Variants in THRAP3 observed in about 807,000 individuals in gnomAD.
THRAP3 encodes the protein thyroid hormone receptor associated protein 3, also known as thyroid hormone receptor-associated protein 3.
In THRAP3, 16 loss-of-function variants were observed where a neutral mutation model predicts 101.0. The observed-to-expected ratio is 0.16, with a 90% confidence interval of 0.11 to 0.24. The LOEUF is 0.24. Ranked by LOEUF, THRAP3 falls within the 10% of genes least tolerant of loss-of-function variation. THRAP3 has a pLI of 1.00. For missense variants in THRAP3, 989 were observed against 1,202.7 expected (o/e 0.82, Z 2.63); for synonymous variants, 407 against 422.6 (o/e 0.96, Z 0.45).
rs866708488 is a variant in THRAP3 at position 36,271,146 on chromosome 1, A to G, written c.-31-11387A>G. 1.2e-4 allele frequency among the ~76,000 whole-genome samples: 18 copies of G among 152,320 alleles called. No homozygotes were observed. The Middle Eastern group carries it at 0.014, about 115-fold the overall frequency. On this transcript the variant is annotated intron_variant, in intron 2 of 11. Coordinates refer to ENST00000354618, the MANE Select transcript of THRAP3 (RefSeq NM_005119.4). The stretch of plus-strand genomic sequence containing the variant: ...GTTTGCTGTATGTCCTTATATAGAT[A>G]TGTCTTATATGTATGTCTGTAACTA...
chr1:36,304,667 G>C lies in THRAP3; in HGVS notation c.*650G>C, dbSNP rs1646076721. ...CGACCACCTTGTGTTCCCCTTTTCTGCGCAGCCATGTATCACGTGGAGTTG... is the reference window on the plus strand; with the variant it reads ...CGACCACCTTGTGTTCCCCTTTTCTCCGCAGCCATGTATCACGTGGAGTTG... On this transcript the variant is annotated 3_prime_UTR_variant, in exon 12 of 12. Transcript: ENST00000354618. 9.1e-6 allele frequency: 2 copies of C among 218,974 alleles called. No homozygotes were observed. The highest frequency in any genetic ancestry group is 1.8e-4 in the South Asian group (1 of 5,408). The allele number at this position is 218,974 out of a possible 1,614,324, so 13.6% of individuals were successfully genotyped here.
At chr1:36,229,080 T>TA (rs1644995012) in intron 1 of THRAP3, among the ~76,000 whole-genome samples, 1 of 152,156 alleles carries the variant, frequency 6.6e-6, no homozygotes, top group Non-Finnish European at 1.5e-5. Context: ...TTGACTTTAT[T>TA]AATTTTTCAA....
chr1:36,259,916 A>G (rs1055645536), intron 2 of THRAP3, among the ~76,000 whole-genome samples: 1 of 152,166 alleles, frequency 6.6e-6, no homozygotes, highest in African/African-American at 2.4e-5. Context: ...GTCCCTTTTC[A>G]TGCTTATGTT....
rs1646078952 is a variant in THRAP3, at chr1:36,304,805, TC to T, written c.*790del. The stretch of plus-strand genomic sequence containing the variant: ...ATCCCAAACTTTCTAGTCCTGCTGA[TC>T]CTCCCAGCAACGGGGTGGAAACTGG... On this transcript the variant is annotated 3_prime_UTR_variant, in exon 12 of 12. Coordinates refer to ENST00000354618, the MANE Select transcript of THRAP3 (RefSeq NM_005119.4). The T allele has an allele frequency of 4.8e-6, 1 of 210,172 alleles. No homozygotes were observed. Among genetic ancestry groups the T allele is most frequent in the Admixed American group, 5.9e-5 (1 of 16,972 alleles). 13.0% of individuals were successfully genotyped at this position (210,172 alleles called of 1,614,324 possible). A position where few individuals can be genotyped will look rare whatever the true frequency, so the allele number is the denominator to read the frequency against.
chr1:36,253,528 TTTA>T (rs892023545), intron 1 of THRAP3, among the ~76,000 whole-genome samples: 1 of 152,188 alleles, frequency 6.6e-6, no homozygotes, highest in Non-Finnish European at 1.5e-5. Context: ...AATTGAAACA[TTTA>T]TTGTCATTAG....
chr1:36,232,140 C>A (rs571986293), intron 1 of THRAP3, among the ~76,000 whole-genome samples: 3 of 152,074 alleles, frequency 2.0e-5, no homozygotes, highest in African/African-American at 7.2e-5. Context: ...TACTTGAACC[C>A]GGGAGGCAAA....
At position 36,293,402 on chromosome 1, in the gene THRAP3, C is replaced by T. The variant is rs532186110; in HGVS notation, c.2031-449C>T. On this transcript the variant is annotated intron_variant, in intron 7 of 11. Coordinates refer to ENST00000354618, the MANE Select transcript of THRAP3 (RefSeq NM_005119.4). ...TTTAATCATGGGTAGTTGGATTCTTCTGGAAGAATTTGCCTGGGGGCTAGA... is the reference window on the plus strand; with the variant it reads ...TTTAATCATGGGTAGTTGGATTCTTTTGGAAGAATTTGCCTGGGGGCTAGA... 6.2e-3 allele frequency among the ~76,000 whole-genome samples: 945 copies of T among 152,234 alleles called. 10 individuals are homozygous for T. The highest frequency in any genetic ancestry group is 0.022 in the African/African-American group (894 of 41,518).
At chr1:36,208,897 G>A in the THRAP3 span, among the ~76,000 whole-genome samples, 3 of 149,522 alleles carry the variant, frequency 2.0e-5, no homozygotes, top group African/African-American at 7.4e-5. Context: ...GAACTCCTGA[G>A]TGCAAGTGAT....
At chr1:36,230,212 G>A (rs200090222) in intron 1 of THRAP3, among the ~76,000 whole-genome samples, 1 of 151,480 alleles carries the variant, frequency 6.6e-6, no homozygotes, top group Non-Finnish European at 1.5e-5. Flanking sequence ...TCCACCTCCC[G>A]GGTTCAAGCG....
At chr1:36,208,942 C>T in the THRAP3 span, among the ~76,000 whole-genome samples, 1 of 137,678 alleles carries the variant, frequency 7.3e-6, no homozygotes, top group Non-Finnish European at 1.5e-5. Context: ...GCTGGGATTA[C>T]AGACGTGAGC....
rs116458533 is a variant in THRAP3 at position 36,302,683 on chromosome 1, G to C, written c.2646+987G>C. On this transcript the variant is annotated intron_variant, in intron 11 of 11. Transcript: ENST00000354618. Reference sequence around the variant, plus strand: ...AACAGCCTAAGACCCTAGCTTTTGTGGGGGGGTGGTTTAGACTCTGAAGTC... The same window carrying C: ...AACAGCCTAAGACCCTAGCTTTTGTCGGGGGGTGGTTTAGACTCTGAAGTC... Among the ~76,000 whole-genome samples, 261 of 152,024 alleles carry C rather than the reference G, an allele frequency of 1.7e-3. 1 individual carries two copies. Among genetic ancestry groups the C allele is most frequent in the African/African-American group, 5.7e-3 (235 of 41,512 alleles).
upstream of THRAP3, among the ~76,000 whole-genome samples, chr1:36,221,819 T>C (rs1468786749): frequency 6.6e-6 from 1 of 151,308 alleles, no homozygotes; most frequent in African/African-American, 2.4e-5. Context: ...CTTTTTTTTT[T>C]TTTTTTTGAG....
rs748770429 is a variant in THRAP3, at chr1:36,303,894, A to G, written c.2745A>G (p.Lys915=). The G allele has an allele frequency of 6.2e-7, 1 of 1,613,748 alleles. No homozygotes were observed. The highest frequency in any genetic ancestry group is 8.5e-7 in the Non-Finnish European group (1 of 1,179,890). The change falls in exon 12 of 12, where the codon AAA becomes AAG. Residue 915 remains lysine (K), a synonymous_variant. Transcript: ENST00000354618. ...PRGRGRFMFR[K]SSTSPKWAHD... is the part of the protein sequence containing the mutation. ...GTCGGGGCCGGTTCATGTTCCGGAA[A>G]TCAAGTACCAGCCCCAAGTGGGCCC...
At chr1:36,232,226 A>C (rs576206752) in intron 1 of THRAP3, among the ~76,000 whole-genome samples, 2 of 152,298 alleles carry the variant, frequency 1.3e-5, no homozygotes, top group East Asian at 3.9e-4. Context: ...AAAAGAAAAA[A>C]GTTAAATTTT....
intron 1 of THRAP3, among the ~76,000 whole-genome samples, chr1:36,235,149 A>C (rs576089957): frequency 6.6e-6 from 1 of 151,804 alleles, no homozygotes; most frequent in East Asian, 1.9e-4. Flanking sequence ...ATCTCTGTCT[A>C]GCTGCAGGGG....
intron 2 of THRAP3, among the ~76,000 whole-genome samples, chr1:36,265,283 CTT>C (rs980713942): frequency 6.6e-6 from 1 of 152,044 alleles, no homozygotes; most frequent in African/African-American, 2.4e-5. Flanking sequence ...CATAAGAAAA[CTT>C]TAGTTCAAAG....
chr1:36,286,692 A>G lies in THRAP3; in HGVS notation c.462A>G (p.Ser154=), dbSNP rs1323392164. Residue 154 remains serine, a synonymous_variant, in exon 4 of 12, where the codon TCA becomes TCG. Transcript: ENST00000354618. The surrounding 1 kb of genome is among the most constrained non-coding windows in gnomAD (Gnocchi z 5.5). The part of the protein sequence containing the change: ...RNSDKSSSDR[S]RRSSSSRSSS... Reference sequence around the variant, plus strand: ...CTGATAAGTCGTCTTCTGACCGGTCAAGGCGCTCCTCATCCTCCCGTTCTT... The same window carrying G: ...CTGATAAGTCGTCTTCTGACCGGTCGAGGCGCTCCTCATCCTCCCGTTCTT... 6.2e-7 allele frequency: 1 copy of G among 1,614,064 alleles called. No individual in the cohort carries two copies. The highest frequency in any genetic ancestry group is 8.5e-7 in the Non-Finnish European group (1 of 1,180,040).
intron 5 of THRAP3, among the ~76,000 whole-genome samples, chr1:36,290,360 C>A (rs2995224): frequency 6.6e-6 from 1 of 151,740 alleles, no homozygotes; most frequent in African/African-American, 2.4e-5. Flanking sequence ...CAGCTAATTT[C>A]TTGTATTTTT....
intron 2 of THRAP3, among the ~76,000 whole-genome samples, chr1:36,262,803 A>AT (rs1299031876): frequency 1.3e-5 from 2 of 149,352 alleles, no homozygotes; most frequent in Admixed American, 6.7e-5. Context: ...TATTATTATT[A>AT]TTTTTTTTGA....
Sources: allele counts gnomAD v4.1 joint callset (sites outside exome capture counted in the v4.1 genomes callset), GRCh38; gene constraint gnomAD v4.1.1; non-coding constraint Gnocchi (gnomAD v3.1); transcripts MANE v1.5; gene names NCBI Gene and HGNC (gene_info 2026-07-23, HGNC 2026-07-21).